Variants in TRIM41 observed in about 807,000 individuals in gnomAD.
TRIM41 encodes the protein tripartite motif containing 41, also known as E3 ubiquitin-protein ligase TRIM41.
Under a neutral mutation model 60.6 loss-of-function variants are expected in TRIM41, and 21 were observed. The observed-to-expected ratio is 0.35, with a 90% CI of 0.25 to 0.50. The LOEUF (loss-of-function observed/expected upper bound fraction) is 0.50, where lower values mean the gene tolerates loss of function less well. Ranked by LOEUF, TRIM41 falls within the 20% of genes least tolerant of loss-of-function variation. The probability of loss-of-function intolerance (pLI) is 0.98; values close to 1 mark genes in which losing one functional copy is unlikely to be tolerated. For synonymous variants in TRIM41, 407 were observed against 344.9 expected (o/e 1.18, Z -2.00); for missense variants, 846 against 868.3 (o/e 0.97, Z 0.32).
At position 181,235,068 on chromosome 5, in the gene TRIM41, A is replaced by C. The variant is rs553626891; in HGVS notation, c.*293A>C. 2.8e-5 allele frequency: 45 copies of C among 1,611,716 alleles called. No individual in the cohort carries two copies. The highest frequency in any genetic ancestry group is 3.6e-5 in the Non-Finnish European group (43 of 1,179,348). ...CCAGTCTGCCTAGCCCAGCCCTGGG[A>C]CTGGAATTTGAGTAGGGGATGAGGG... On this transcript the variant is annotated 3_prime_UTR_variant, in exon 6 of 6. Transcript: ENST00000315073.
chr5:181,232,439 G>T (rs1161546542), intron 2 of TRIM41: 2 of 546,300 alleles, frequency 3.7e-6, no homozygotes, highest in African/African-American at 1.9e-5. Context: ...GTGGAGAGGA[G>T]TGTTCCAGGC....
rs1561667031 is a variant in TRIM41, at chr5:181,224,573, C to T, written c.574C>T (p.Arg192Trp). Reference protein sequence around the residue: ...TCPQCRKSFPRRSFRPNLQLA... With the variant: ...TCPQCRKSFPWRSFRPNLQLA... Reference sequence around the variant, plus strand: ...CCCTCAGTGCCGAAAGAGCTTTCCTCGGCGGAGCTTCCGCCCCAACCTGCA... The same window carrying T: ...CCCTCAGTGCCGAAAGAGCTTTCCTTGGCGGAGCTTCCGCCCCAACCTGCA... Residue 192 changes from arginine (R) to tryptophan (W), a missense_variant, in exon 1 of 6, where the codon CGG becomes TGG. Arg to Trp is a moderately radical substitution (Grantham distance 101). Transcript: ENST00000315073. 1.2e-6 allele frequency: 2 copies of T among 1,614,080 alleles called. No individual in the cohort carries two copies. The highest frequency in any genetic ancestry group is 1.7e-6 in the Non-Finnish European group (2 of 1,179,922).
In TRIM41 at chr5:181,235,173, T is replaced by C; in HGVS notation, c.*398T>C. 1 of 1,534,030 alleles carries C rather than the reference T, an allele frequency of 6.5e-7. No homozygotes were observed. Among genetic ancestry groups the C allele is most frequent in the South Asian group, 1.2e-5 (1 of 80,796 alleles). ...CTTTATCAGTTCTGAGGCTGGAGGG[T>C]TTGGGCAAGGCAACATCCCCATTCC... On this transcript the variant is annotated 3_prime_UTR_variant, in exon 6 of 6. Coordinates refer to ENST00000315073, the MANE Select transcript of TRIM41 (RefSeq NM_033549.5).
chr5:181,224,331 G>A lies in TRIM41; in HGVS notation c.332G>A (p.Gly111Asp). The change falls in exon 1 of 6, where the codon GGC becomes GAC. Residue 111 changes from glycine (G) to aspartate (D), a missense_variant. Gly to Asp is a moderately conservative substitution (Grantham distance 94). Transcript: ENST00000315073. ...EEEEGVFWTSGMSRSSWDNMD... is the reference protein window; with the variant it reads ...EEEEGVFWTSDMSRSSWDNMD... Reference sequence around the variant, plus strand: ...GAAGAGGGTGTGTTCTGGACCAGTGGCATGAGCAGGTCCAGCTGGGACAAC... The same window carrying A: ...GAAGAGGGTGTGTTCTGGACCAGTGACATGAGCAGGTCCAGCTGGGACAAC... 1 of 1,614,094 alleles carries A rather than the reference G, an allele frequency of 6.2e-7. No individual in the cohort carries two copies. The highest frequency in any genetic ancestry group is 2.2e-5 in the East Asian group (1 of 44,872).
rs772220167 is a variant in TRIM41, at chr5:181,234,625, G to A, written c.1743G>A (p.Val581=). 1.2e-6 allele frequency: 2 copies of A among 1,613,980 alleles called. No homozygotes were observed. Among genetic ancestry groups the A allele is most frequent in the Non-Finnish European group, 1.7e-6 (2 of 1,179,898 alleles). The part of the protein sequence containing the change: ...SPSEKPRRFG[V]YLDYEAGRLG... ...GTGAGAAACCAAGGCGCTTTGGTGT[G>A]TACCTGGACTATGAAGCTGGGCGCC... is the stretch of plus-strand genomic sequence containing the variant. Residue 581 remains valine, a synonymous_variant, in exon 6 of 6, where the codon GTG becomes GTA. Transcript: ENST00000315073. The surrounding 1 kb of genome is among the most constrained non-coding windows in gnomAD (Gnocchi z 5.6).
At chr5:181,230,628 T>C (rs1758756311) in intron 1 of TRIM41, 116 bp from the exon 2 acceptor site, 2 of 715,384 alleles carry the variant, frequency 2.8e-6, no homozygotes, top group Non-Finnish European at 4.8e-6. Flanking sequence ...TTGACACCCA[T>C]TTTCGGGGGT....
In TRIM41 at chr5:181,234,781, C is replaced by T. The variant is rs1758998966; in HGVS notation, c.*6C>T. The T allele has an allele frequency of 6.2e-7, 1 of 1,607,978 alleles. No individual in the cohort carries two copies. Among genetic ancestry groups the T allele is most frequent in the East Asian group, 2.2e-5 (1 of 44,794 alleles). ...GCATCAAGCTCTGCCCTTGATTATCCTGCCACCCGCAGGGGCCCCTCTGTC... is the reference window on the plus strand; with the variant it reads ...GCATCAAGCTCTGCCCTTGATTATCTTGCCACCCGCAGGGGCCCCTCTGTC... On this transcript the variant is annotated 3_prime_UTR_variant, in exon 6 of 6. Coordinates refer to ENST00000315073, the MANE Select transcript of TRIM41 (RefSeq NM_033549.5). This position sits in a 1 kb window ranked among gnomAD's most constrained non-coding sequence, Gnocchi z 5.6.
At position 181,224,437 on chromosome 5, in the gene TRIM41, GGGGGAGGAT is replaced by G; in HGVS notation, c.440_448del (p.Gly147_Asp149del). 2 of 1,613,362 alleles carry G rather than the reference GGGGGAGGAT, an allele frequency of 1.2e-6. No individual in the cohort carries two copies. The highest frequency in any genetic ancestry group is 1.7e-6 in the Non-Finnish European group (2 of 1,179,638). ...GGGACATGGAGGAGGAGGACCTGAG[GGGGGAGGAT>G]GAGGAGGACGAGGAGGAAGTGCTGG... is the stretch of plus-strand genomic sequence containing the variant. On this transcript the variant is annotated inframe_deletion, in exon 1 of 6. Transcript: ENST00000315073.
In TRIM41 at chr5:181,234,859, G is replaced by A. The variant is rs528862718; in HGVS notation, c.*84G>A. The A allele has an allele frequency of 3.4e-5, 54 of 1,610,468 alleles. No homozygotes were observed. The Admixed American group carries it at 7.2e-4, about 21-fold the overall frequency. On this transcript the variant is annotated 3_prime_UTR_variant, in exon 6 of 6. Transcript: ENST00000315073. The surrounding 1 kb of genome is among the most constrained non-coding windows in gnomAD (Gnocchi z 5.6). ...TGGCCCGTAAGTTTGAGGGCTCAAA[G>A]GCTCTTCCCACTGCTTGTTACTGTG...
Position 181,234,890 on chromosome 5 carries a change from T to C in TRIM41, c.*115T>C, listed in dbSNP as rs773147289. 4.2e-5 allele frequency: 67 copies of C among 1,611,996 alleles called. No individual in the cohort carries two copies. The Middle Eastern group carries it at 2.0e-3, about 48-fold the overall frequency. ...TCCCACTGCTTGTTACTGTGTTGCTTCCCACTCCCCCTTGACCCCAGGCCC... is the reference window on the plus strand; with the variant it reads ...TCCCACTGCTTGTTACTGTGTTGCTCCCCACTCCCCCTTGACCCCAGGCCC... On this transcript the variant is annotated 3_prime_UTR_variant, in exon 6 of 6. Coordinates refer to ENST00000315073, the MANE Select transcript of TRIM41 (RefSeq NM_033549.5). The surrounding 1 kb of genome is among the most constrained non-coding windows in gnomAD (Gnocchi z 5.6).
In TRIM41 at chr5:181,233,477, G is replaced by C. The variant is rs749817863; in HGVS notation, c.1163+42G>C. On this transcript the variant is annotated intron_variant, in intron 4 of 5. Coordinates refer to ENST00000315073, the MANE Select transcript of TRIM41 (RefSeq NM_033549.5). The surrounding 1 kb of genome is among the most constrained non-coding windows in gnomAD (Gnocchi z 4.1). ...TGCCCTTCGTGACCCAGTGGCATCT[G>C]GTTCCCTGTCCCTGCTTCTCTTCGG... is the stretch of plus-strand genomic sequence containing the variant. 1 of 1,614,064 alleles carries C rather than the reference G, an allele frequency of 6.2e-7. No homozygotes were observed. Among genetic ancestry groups the C allele is most frequent in the East Asian group, 2.2e-5 (1 of 44,880 alleles).
chr5:181,230,724 T>C lies in TRIM41; in HGVS notation c.814-20T>C, dbSNP rs1197455735. On this transcript the variant is annotated intron_variant, in intron 1 of 5. Transcript: ENST00000315073. ...CAGGTGCCTCTCCCAGCCCCCACTT[T>C]TCTTTTTCTGTTTCCTCAGGCCAAA... 3.7e-6 allele frequency: 6 copies of C among 1,609,430 alleles called. No homozygotes were observed. In the South Asian group the frequency reaches 6.6e-5, roughly 18 times the overall value.
chr5:181,231,058 C>A, intron 2 of TRIM41: 1 of 425,926 alleles, frequency 2.3e-6, no homozygotes, highest in Non-Finnish European at 4.5e-6. Flanking sequence ...AAACTGAGGC[C>A]TGGATTGGAG....
rs766207041 is a variant in TRIM41, at chr5:181,234,799, CCT to C, written c.*27_*28del. 1.3e-4 allele frequency: 203 copies of C among 1,606,122 alleles called. No homozygotes were observed. The highest frequency in any genetic ancestry group is 9.6e-4 in the Admixed American group (57 of 59,112). On this transcript the variant is annotated 3_prime_UTR_variant, in exon 6 of 6. Transcript: ENST00000315073. The surrounding 1 kb of genome is among the most constrained non-coding windows in gnomAD (Gnocchi z 5.6). Reference sequence around the variant, plus strand: ...GATTATCCTGCCACCCGCAGGGGCCCCTCTGTCAGCACTTGGGGGGTGGGTGG... The same window carrying C: ...GATTATCCTGCCACCCGCAGGGGCCCCTGTCAGCACTTGGGGGGTGGGTGG...
chr5:181,232,613 C>G, intron 2 of TRIM41, 46 bp from the exon 3 acceptor site: 1 of 1,566,144 alleles, frequency 6.4e-7, no homozygotes, highest in Non-Finnish European at 8.7e-7. Context: ...AGGTTATCTT[C>G]GTACGTGTTG....
rs926833762 is a variant in TRIM41, at chr5:181,223,615, A to G, written c.-385A>G. 1 of 461,102 alleles carries G rather than the reference A, an allele frequency of 2.2e-6. No individual in the cohort carries two copies. The highest frequency in any genetic ancestry group is 2.0e-5 in the African/African-American group (1 of 51,190). 28.6% of individuals were successfully genotyped at this position (461,102 alleles called of 1,614,324 possible). A position where few individuals can be genotyped will look rare whatever the true frequency, so the allele number is the denominator to read the frequency against. On this transcript the variant is annotated 5_prime_UTR_variant, in exon 1 of 6. Transcript: ENST00000315073. ...GGGGAGTAGCAGGACAGCGGAGGGA[A>G]GTCGCGAGCTTAGGTGGTGTGTAGA...
At chr5:181,230,663 G>C in intron 1 of TRIM41, 81 bp from the exon 2 acceptor site, 1 of 1,137,106 alleles carries the variant, frequency 8.8e-7, no homozygotes, top group Non-Finnish European at 1.3e-6. Context: ...GACCCATCTT[G>C]CTATAGGGAG....
At position 181,235,092 on chromosome 5, in the gene TRIM41, G is replaced by C; in HGVS notation, c.*317G>C. On this transcript the variant is annotated 3_prime_UTR_variant, in exon 6 of 6. Coordinates refer to ENST00000315073, the MANE Select transcript of TRIM41 (RefSeq NM_033549.5). ...GACTGGAATTTGAGTAGGGGATGAG[G>C]GGAAATTGTAATTTCATTCCTTAAC... The C allele has an allele frequency of 6.2e-7, 1 of 1,605,798 alleles. No homozygotes were observed. The highest frequency in any genetic ancestry group is 8.5e-7 in the Non-Finnish European group (1 of 1,176,496).
Position 181,234,822 on chromosome 5 carries a change from G to A in TRIM41, c.*47G>A, listed in dbSNP as rs1759004563. On this transcript the variant is annotated 3_prime_UTR_variant, in exon 6 of 6. Transcript: ENST00000315073. This position sits in a 1 kb window ranked among gnomAD's most constrained non-coding sequence, Gnocchi z 5.6. ...CCCCTCTGTCAGCACTTGGGGGGTG[G>A]GTGGTGGAGGGTGGCCCGTAAGTTT... 6.2e-7 allele frequency: 1 copy of A among 1,604,866 alleles called. No homozygotes were observed. The highest frequency in any genetic ancestry group is 8.5e-7 in the Non-Finnish European group (1 of 1,175,406).
Sources: allele counts gnomAD v4.1 joint callset, GRCh38; gene constraint gnomAD v4.1.1; non-coding constraint Gnocchi (gnomAD v3.1); transcripts MANE v1.5; gene names NCBI Gene and HGNC (gene_info 2026-07-23, HGNC 2026-07-21).